Variants in GREB1 observed in about 807,000 individuals in gnomAD.
The protein encoded by GREB1 is growth regulating estrogen receptor binding 1.
Under a neutral mutation model 200.7 loss-of-function variants are expected in GREB1, and 106 were observed. That is an observed-to-expected ratio of 0.53 (90% confidence interval 0.45 to 0.62). The LOEUF (loss-of-function observed/expected upper bound fraction) is 0.62, where lower values mean the gene tolerates loss of function less well. Ranked by LOEUF, GREB1 falls within the 20% of genes least tolerant of loss-of-function variation. The pLI is 0.00. For synonymous variants in GREB1, 1,132 were observed against 1,092.4 expected (o/e 1.04, Z -0.72); for missense variants, 2,243 against 2,556.8 (o/e 0.88, Z 2.65).
chr2:11,587,685 G>T, intron 9 of GREB1: 3 of 1,155,604 alleles, frequency 2.6e-6, no homozygotes, highest in South Asian at 1.7e-5. Context: ...AGTACCTGGA[G>T]TACAAGATAA....
Position 11,585,811 on chromosome 2 carries a change from T to G in GREB1, c.1065T>G (p.Ala355=), listed in dbSNP as rs1354616489. 1 of 1,613,676 alleles carries G rather than the reference T, an allele frequency of 6.2e-7. No homozygotes were observed. Among genetic ancestry groups the G allele is most frequent in the Non-Finnish European group, 8.5e-7 (1 of 1,180,026 alleles). The change falls in exon 9 of 33, where the codon GCT becomes GCG. Residue 355 remains alanine, a synonymous_variant. Transcript: ENST00000381486. Reference sequence around the variant, plus strand: ...CGCAGGTTGGCTTGGTGGGACCAGCTTCAGTCACCTTTCCAGTGGTGGCCT... The same window carrying G: ...CGCAGGTTGGCTTGGTGGGACCAGCGTCAGTCACCTTTCCAGTGGTGGCCT... ...CVPQVGLVGP[A]SVTFPVVASG... is the part of the protein sequence containing the mutation.
At chr2:11,615,889 G>T (rs917429139) in intron 20 of GREB1, among the ~76,000 whole-genome samples, 14 of 152,220 alleles carry the variant, frequency 9.2e-5, no homozygotes, top group Non-Finnish European at 1.8e-4. Flanking sequence ...TGTGTGGAAT[G>T]GAAGGAGGTG....
chr2:11,599,288 C>T (rs1049749020), intron 15 of GREB1, among the ~76,000 whole-genome samples: 5 of 149,804 alleles, frequency 3.3e-5, no homozygotes, highest in South Asian at 2.1e-4. Context: ...AAAGAGGCTC[C>T]GTGGGGGCTC....
chr2:11,566,527 G>C lies in GREB1; in HGVS notation c.325G>C (p.Glu109Gln). Reference protein sequence around the residue: ...KDLRLVSISNEPMDVPAGFLL... With the variant: ...KDLRLVSISNQPMDVPAGFLL... The stretch of plus-strand genomic sequence containing the variant: ...CCTGCGCCTTGTCTCCATTTCCAAC[G>C]AGCCCATGGATGTCCCTGCGGGCTT... Residue 109 changes from glutamate to glutamine, a missense_variant, in exon 4 of 33, where the codon GAG becomes CAG. Physicochemically the swap from Glu to Gln is conservative, Grantham distance 29 (BLOSUM62 2). Transcript: ENST00000381486. 4 of 1,613,798 alleles carry C rather than the reference G, an allele frequency of 2.5e-6. No homozygotes were observed. Among genetic ancestry groups the C allele is most frequent in the Non-Finnish European group, 3.4e-6 (4 of 1,179,902 alleles).
intron 1 of GREB1, among the ~76,000 whole-genome samples, chr2:11,516,300 AT>A (rs1400359604): frequency 6.8e-6 from 1 of 148,066 alleles, no homozygotes; most frequent in East Asian, 2.0e-4. Flanking sequence ...AGTGCTGTAG[AT>A]TTTCCTGCAG....
At chr2:11,568,934 T>G (rs557331536) in intron 4 of GREB1, among the ~76,000 whole-genome samples, 1 of 152,362 alleles carries the variant, frequency 6.6e-6, no homozygotes, top group South Asian at 2.1e-4. Context: ...TGCAATTAAG[T>G]CTGATGGCTA....
At chr2:11,511,316 A>G (rs1303541060) in intron 1 of GREB1, among the ~76,000 whole-genome samples, 1 of 152,168 alleles carries the variant, frequency 6.6e-6, no homozygotes, top group Non-Finnish European at 1.5e-5. Flanking sequence ...GGCCCAGAGA[A>G]GTTACATTTT....
rs192222646 is a variant in GREB1 at position 11,560,727 on chromosome 2, G to A, written c.158-1736G>A. On this transcript the variant is annotated intron_variant, in intron 2 of 32. Coordinates refer to ENST00000381486, the MANE Select transcript of GREB1 (RefSeq NM_014668.4). ...AAAAAAAAAAAGAAATAAGCGAAGA[G>A]TGCCTGTATCCTGGCCCAGTGTGTT... 1.5e-3 allele frequency among the ~76,000 whole-genome samples: 221 copies of A among 152,036 alleles called. 1 individual carries two copies. Among genetic ancestry groups the A allele is most frequent in the African/African-American group, 5.1e-3 (212 of 41,472 alleles).
At chr2:11,503,309 A>AT (rs1000821882) in intron 1 of GREB1, among the ~76,000 whole-genome samples, 6 of 152,048 alleles carry the variant, frequency 3.9e-5, no homozygotes, top group African/African-American at 1.2e-4. Flanking sequence ...GAGTGCTTAC[A>AT]TTTTTTGGGT....
In GREB1 at chr2:11,576,496, A is replaced by T; in HGVS notation, c.598A>T (p.Thr200Ser). The T allele has an allele frequency of 1.2e-6, 2 of 1,613,824 alleles. No individual in the cohort carries two copies. The highest frequency in any genetic ancestry group is 1.7e-6 in the Non-Finnish European group (2 of 1,179,922). Residue 200 changes from threonine to serine, a missense_variant, in exon 5 of 33, where the codon ACT (threonine) becomes TCT (serine). By Grantham distance (58) the Thr-to-Ser change is moderately conservative. Coordinates refer to ENST00000381486, the MANE Select transcript of GREB1 (RefSeq NM_014668.4). ...KYYLVRNAQG[T>S]LTKGPLICWK... ...TTACCTGGTCCGTAATGCACAAGGG[A>T]CTCTAACCAAAGGACCTTTAATCTG... is the stretch of plus-strand genomic sequence containing the variant.
At chr2:11,591,351 C>A in intron 10 of GREB1, 1 of 728,700 alleles carries the variant, frequency 1.4e-6, no homozygotes, top group South Asian at 1.5e-5. Flanking sequence ...TAGAGCTGGG[C>A]TGGAACCCAC....
rs531608374 is a variant in GREB1, at chr2:11,523,203, G to A, written c.-158-33254G>A. Among the ~76,000 whole-genome samples, 95 of 152,148 alleles carry A rather than the reference G, an allele frequency of 6.2e-4. No homozygotes were observed. The Middle Eastern group carries it at 0.014, about 22-fold the overall frequency. The stretch of plus-strand genomic sequence containing the variant: ...TGAGAACCAATGGACACACAGGGAG[G>A]AACAACAGATACTGGGGCCTACTTG... On this transcript the variant is annotated intron_variant, in intron 1 of 2. Transcript: ENST00000628795.
chr2:11,601,080 T>A (rs1211211459), intron 16 of GREB1, 85 bp downstream of exon 16: 2 of 1,113,330 alleles, frequency 1.8e-6, no homozygotes, highest in Non-Finnish European at 2.6e-6. Context: ...CCTTGACCAG[T>A]GTGGTTGAGG....
Position 11,633,573 on chromosome 2 carries a change from A to AG in GREB1, c.4991+510_4991+511insG. On this transcript the variant is annotated intron_variant, in intron 28 of 32. Transcript: ENST00000381486. The surrounding 1 kb of genome is among the most constrained non-coding windows in gnomAD (Gnocchi z 4.1). ...AGCGAGACTCCGTCTAAAAAAAAAAAAAAGAAAGAAAAAAATTGTTATTGA... is the reference window on the plus strand; with the variant it reads ...AGCGAGACTCCGTCTAAAAAAAAAAAGAAAGAAAGAAAAAAATTGTTATTGA... 6.6e-6 allele frequency among the ~76,000 whole-genome samples: 1 copy of AG among 152,146 alleles called. No individual in the cohort carries two copies. The highest frequency in any genetic ancestry group is 1.5e-5 in the Non-Finnish European group (1 of 67,994).
intron 15 of GREB1, among the ~76,000 whole-genome samples, chr2:11,599,619 CA>C (rs1440341447): frequency 9.3e-5 from 14 of 150,962 alleles, no homozygotes; most frequent in African/African-American, 3.2e-4. Flanking sequence ...CTCCCGGGTT[CA>C]CACCATTCTC....
intron 19 of GREB1, among the ~76,000 whole-genome samples, chr2:11,614,778 T>C (rs1424090450): frequency 6.6e-6 from 1 of 152,162 alleles, no homozygotes; most frequent in Non-Finnish European, 1.5e-5. Flanking sequence ...TTAGCCAGGA[T>C]GGTCTCGATC....
Position 11,611,042 on chromosome 2 carries a change from C to T in GREB1, c.3006+15C>T, listed in dbSNP as rs1050615028. 6.5e-7 allele frequency: 1 copy of T among 1,540,666 alleles called. No individual in the cohort carries two copies. Among genetic ancestry groups the T allele is most frequent in the Non-Finnish European group, 8.8e-7 (1 of 1,139,742 alleles). On this transcript the variant is annotated intron_variant, in intron 18 of 32. Transcript: ENST00000381486. ...AGCAGCTCAGGGTAGGTGCTGTGCG[C>T]AGGGAGGGGCGGAGGGCCTGGGGGT...
At chr2:11,625,698 A>G (rs1243747576) in intron 24 of GREB1, among the ~76,000 whole-genome samples, 3 of 152,066 alleles carry the variant, frequency 2.0e-5, no homozygotes, top group Non-Finnish European at 4.4e-5. Flanking sequence ...GATCCCCAAC[A>G]TCCATGGTGT....
intron 27 of GREB1, 97 bp downstream of exon 27, chr2:11,632,210 C>A: frequency 1.2e-6 from 1 of 849,694 alleles, no homozygotes; most frequent in South Asian, 1.6e-5. Context: ...TGACATCAGG[C>A]CTTTTACTTT....
Sources: allele counts gnomAD v4.1 joint callset (sites outside exome capture counted in the v4.1 genomes callset), GRCh38; gene constraint gnomAD v4.1.1; non-coding constraint Gnocchi (gnomAD v3.1); transcripts MANE v1.5; gene names NCBI Gene and HGNC (gene_info 2026-07-23, HGNC 2026-07-21).